The following ENOX1 variants were observed in gnomAD, a reference collection of about 807,000 sequenced individuals.
ENOX1 encodes ecto-NOX disulfide-thiol exchanger 1.
A neutral mutation model predicts 82.5 loss-of-function variants in ENOX1; 42 were observed. The ratio of observed to expected loss-of-function variants is 0.51; its 90% CI spans 0.40 to 0.66. ENOX1 has a LOEUF of 0.66. Ranked by LOEUF, ENOX1 falls within the 30% of genes least tolerant of loss-of-function variation. ENOX1 has a pLI of 0.00. For missense variants in ENOX1, 608 were observed against 811.6 expected, an observed-to-expected ratio of 0.75 and a Z score of 3.05; for synonymous variants, 271 against 282.2, an observed-to-expected ratio of 0.96 and a Z score of 0.40.
In ENOX1 at chr13:43,416,469, C is replaced by T. The variant is rs1161422366; in HGVS notation, c.-74-3481G>A. ...CTCCTCACATCCCAGATGGGGTGGCCGGGCAGAGGCGCTCCTCACTTCCCA... is the reference window on the plus strand; with the variant it reads ...CTCCTCACATCCCAGATGGGGTGGCTGGGCAGAGGCGCTCCTCACTTCCCA... On this transcript the variant is annotated intron_variant, in intron 3 of 16. Transcript: ENST00000690772. 2.3e-3 allele frequency among the ~76,000 whole-genome samples: 197 copies of T among 87,430 alleles called. 1 individual carries two copies. Among genetic ancestry groups the T allele is most frequent in the African/African-American group, 5.7e-3 (123 of 21,578 alleles). 57.4% of individuals were successfully genotyped at this position (87,430 alleles called of 152,430 possible).
chr13:43,590,148 C>CA (rs1296112475), intron 2 of ENOX1, among the ~76,000 whole-genome samples: 1 of 150,692 alleles, frequency 6.6e-6, no homozygotes, highest in Non-Finnish European at 1.5e-5. Flanking sequence ...TCCAATCAGA[C>CA]AAAAAAATAA....
intron 15 of ENOX1, among the ~76,000 whole-genome samples, chr13:43,224,906 T>A (rs1422019698): frequency 6.6e-6 from 1 of 152,246 alleles, no homozygotes; most frequent in East Asian, 1.9e-4. Flanking sequence ...TCCCTGCTCC[T>A]GGATCCAAAA....
chr13:43,688,446 T>C (rs1409259771), intron 1 of ENOX1, among the ~76,000 whole-genome samples: 1 of 152,168 alleles, frequency 6.6e-6, no homozygotes, highest in Admixed American at 6.5e-5. Context: ...TGGCAAAATT[T>C]ATCTGCAAAG....
chr13:43,295,933 G>A (rs769202716), intron 12 of ENOX1, among the ~76,000 whole-genome samples: 19 of 152,046 alleles, frequency 1.2e-4, no homozygotes, highest in African/African-American at 2.9e-4. Context: ...AGCAGCCACC[G>A]GGGACCCAGT....
intron 1 of ENOX1, among the ~76,000 whole-genome samples, chr13:43,712,275 A>T (rs1246827905): frequency 6.9e-6 from 1 of 144,118 alleles, no homozygotes; most frequent in Admixed American, 7.0e-5. Context: ...TGTTCCATTG[A>T]TCTATATCTC....
chr13:43,250,747 G>A (rs1478503159), intron 14 of ENOX1, among the ~76,000 whole-genome samples: 1 of 152,208 alleles, frequency 6.6e-6, no homozygotes, highest in African/African-American at 2.4e-5. Flanking sequence ...GAATAATAGT[G>A]GTTCCTGCTA....
chr13:43,471,771 C>G (rs976670549), intron 3 of ENOX1, among the ~76,000 whole-genome samples: 2 of 142,922 alleles, frequency 1.4e-5, no homozygotes, highest in African/African-American at 2.7e-5. Context: ...GATTGTGCCA[C>G]TGTGCTCCAG....
chr13:43,608,283 C>T (rs546582180), intron 2 of ENOX1, among the ~76,000 whole-genome samples: 2 of 152,082 alleles, frequency 1.3e-5, no homozygotes, highest in South Asian at 2.1e-4. Flanking sequence ...ACTTTTTCCC[C>T]GAAACTGAAG....
At chr13:43,770,402 A>G (rs34284505) in intron 1 of ENOX1, among the ~76,000 whole-genome samples, 1 of 152,198 alleles carries the variant, frequency 6.6e-6, no homozygotes, top group African/African-American at 2.4e-5. Context: ...TAAGAAATAG[A>G]CAATTATAAA....
chr13:43,672,555 T>C (rs946787156), intron 1 of ENOX1, among the ~76,000 whole-genome samples: 5 of 152,184 alleles, frequency 3.3e-5, no homozygotes, highest in East Asian at 1.9e-4. Context: ...AAGAGGGGCA[T>C]CAGCCACGAA....
At chr13:43,343,912 A>AT (rs1464520212) in intron 9 of ENOX1, among the ~76,000 whole-genome samples, 15 of 152,080 alleles carry the variant, frequency 9.9e-5, no homozygotes. Context: ...TACCCTGACT[A>AT]TTGTTCTAAG....
At chr13:43,312,532 T>G (rs2153519485) in intron 11 of ENOX1, among the ~76,000 whole-genome samples, 1 of 152,280 alleles carries the variant, frequency 6.6e-6, no homozygotes, top group Non-Finnish European at 1.5e-5. Context: ...CGTCTTCATT[T>G]TTCTCTTTAT....
chr13:43,334,003 G>A (rs2048561368), intron 9 of ENOX1, among the ~76,000 whole-genome samples: 1 of 152,226 alleles, frequency 6.6e-6, no homozygotes, highest in Non-Finnish European at 1.5e-5. Context: ...AGTTATCAAA[G>A]TGTGGCCCCT....
intron 10 of ENOX1, among the ~76,000 whole-genome samples, chr13:43,323,123 A>G (rs944041552): frequency 2.4e-4 from 36 of 152,234 alleles, no homozygotes; most frequent in Admixed American, 1.9e-3. Flanking sequence ...GCATGTGTGT[A>G]TGTGCCCATG....
chr13:43,543,321 CA>C (rs2078825873), intron 2 of ENOX1, among the ~76,000 whole-genome samples: 1 of 152,066 alleles, frequency 6.6e-6, no homozygotes, highest in Admixed American at 6.5e-5. Context: ...GTGAATGGAT[CA>C]GAAACATAAA....
intron 1 of ENOX1, among the ~76,000 whole-genome samples, chr13:43,718,219 G>A (rs1043902678): frequency 4.2e-4 from 28 of 66,270 alleles, no homozygotes; most frequent in African/African-American, 7.6e-4. Context: ...GTGAAATAAT[G>A]TCCTTTGTAG....
intron 2 of ENOX1, among the ~76,000 whole-genome samples, chr13:43,642,646 A>G (rs1053366856): frequency 2.0e-4 from 31 of 152,212 alleles, no homozygotes; most frequent in Admixed American, 1.8e-3. Context: ...CCCAATGTTC[A>G]AGGAGAGGAA....
At chr13:43,366,442 T>G (rs2050855516) in intron 5 of ENOX1, among the ~76,000 whole-genome samples, 1 of 151,952 alleles carries the variant, frequency 6.6e-6, no homozygotes, top group Admixed American at 6.6e-5. Context: ...GCCTGGCTAA[T>G]TTTTTTTGTA....
At chr13:43,486,126 T>C (rs1593440477) in intron 2 of ENOX1, among the ~76,000 whole-genome samples, 1 of 152,032 alleles carries the variant, frequency 6.6e-6, no homozygotes, top group Admixed American at 6.5e-5. Flanking sequence ...AGGAGAATGG[T>C]GTGAACCCGG....
Sources: allele counts gnomAD v4.1 joint callset (sites outside exome capture counted in the v4.1 genomes callset), GRCh38; gene constraint gnomAD v4.1.1; transcripts MANE v1.5; gene names NCBI Gene and HGNC (gene_info 2026-07-23, HGNC 2026-07-21).